Variants in LINGO1 observed in about 807,000 individuals in gnomAD.
The protein encoded by LINGO1 is leucine-rich repeat and immunoglobulin-like domain-containing nogo receptor-interacting protein 1.
LINGO1 carries 11 observed loss-of-function variants against 37.3 expected under a neutral mutation model. The observed-to-expected ratio is 0.29, with a 90% CI of 0.19 to 0.49. The LOEUF (loss-of-function observed/expected upper bound fraction) is 0.49. Ranked by LOEUF, LINGO1 falls within the 20% of genes least tolerant of loss-of-function variation. The pLI is 0.99. For synonymous variants in LINGO1, 387 were observed against 403.0 expected, an observed-to-expected ratio of 0.96 and a Z score of 0.48; for missense variants, 585 against 878.2, an observed-to-expected ratio of 0.67 and a Z score of 4.22.
intron 1 of LINGO1, among the ~76,000 whole-genome samples, chr15:77,748,747 C>T (rs1378445085): frequency 2.6e-5 from 4 of 151,730 alleles, no homozygotes; most frequent in Non-Finnish European, 5.9e-5. Context: ...CAGAGGTTTG[C>T]TTTGTTGCCC....
At chr15:77,813,493 A>G (rs4322626) in intron 1 of LINGO1, among the ~76,000 whole-genome samples, 113,816 of 151,954 alleles carry the variant, frequency 0.75, 42,897 homozygotes, top group African/African-American at 0.8. Flanking sequence ...GGGTGAGAGC[A>G]TGACAGCCAG....
intron 1 of LINGO1, among the ~76,000 whole-genome samples, chr15:77,783,113 GC>G (rs2076737046): frequency 6.6e-6 from 1 of 151,966 alleles, no homozygotes; most frequent in Non-Finnish European, 1.5e-5. Flanking sequence ...GATGCCCATC[GC>G]CTGGATGCCC....
intron 1 of LINGO1, among the ~76,000 whole-genome samples, chr15:77,784,416 A>G (rs964746345): frequency 3.3e-5 from 5 of 152,270 alleles, no homozygotes; most frequent in Non-Finnish European, 7.3e-5. Flanking sequence ...GACCCTGCCC[A>G]GCAAGCGGCT....
At chr15:77,641,636 A>C (rs989021943) in intron 3 of LINGO1, 1 of 353,024 alleles carries the variant, frequency 2.8e-6, no homozygotes, top group South Asian at 2.1e-5. Flanking sequence ...AGAAGGAGAC[A>C]GATGAGGAGT....
intron 2 of LINGO1, among the ~76,000 whole-genome samples, chr15:77,721,406 T>G (rs2076048591): frequency 6.6e-6 from 1 of 152,094 alleles, no homozygotes; most frequent in Non-Finnish European, 1.5e-5. Context: ...TCAGCCCTGG[T>G]GTCACCTCCT....
chr15:77,640,127 A>G (rs1024498202), intron 3 of LINGO1, among the ~76,000 whole-genome samples: 2 of 152,216 alleles, frequency 1.3e-5, no homozygotes, highest in Admixed American at 1.3e-4. Context: ...AACTTGGAGG[A>G]GTCCACATTA....
At chr15:77,664,172 C>T (rs62009132) in intron 3 of LINGO1, among the ~76,000 whole-genome samples, 7,552 of 76,654 alleles carry the variant, frequency 0.099, 247 homozygotes, top group Middle Eastern at 0.12. Flanking sequence ...TGTGTGTGTG[C>T]GCGCGCGCAT....
intron 3 of LINGO1, among the ~76,000 whole-genome samples, chr15:77,664,170 T>TGTGTGTGTGTGTGTGTGCGC: frequency 3.8e-5 from 5 of 130,944 alleles, no homozygotes; most frequent in East Asian, 2.0e-4. Context: ...TGTGTGTGTG[T>TGTGTGTGTGTGTGTGTGCGC]GCGCGCGCGC....
At chr15:77,717,848 C>A (rs12907305) in intron 2 of LINGO1, among the ~76,000 whole-genome samples, 10,776 of 150,820 alleles carry the variant, frequency 0.071, 969 homozygotes, top group Middle Eastern at 0.14. Context: ...CCCAGCCCAG[C>A]CAGGCTGGAC....
At chr15:77,810,304 C>A (rs2076994609) in intron 1 of LINGO1, among the ~76,000 whole-genome samples, 1 of 149,818 alleles carries the variant, frequency 6.7e-6, no homozygotes, top group Non-Finnish European at 1.5e-5. Context: ...ACACGGGTAA[C>A]TAGGCTCACA....
chr15:77,659,604 CTCTG>C (rs2074943717), intron 3 of LINGO1, among the ~76,000 whole-genome samples: 1 of 152,156 alleles, frequency 6.6e-6, no homozygotes, highest in African/African-American at 2.4e-5. Flanking sequence ...ACCATGTCAC[CTCTG>C]TCTGAGTTCA....
rs190640467 is a variant in LINGO1 at position 77,693,916 on chromosome 15, C to T, written c.-281+2475G>A. ...ACCTCGGGGGCCTGATCAGGACTTC[C>T]GGTCCCTAATGAACAGACTTGGCAT... is the stretch of plus-strand genomic sequence containing the variant. On this transcript the variant is annotated intron_variant, in intron 1 of 3. Transcript: ENST00000559893. 1.5e-3 allele frequency among the ~76,000 whole-genome samples: 221 copies of T among 152,268 alleles called. 1 individual carries two copies. Among genetic ancestry groups the T allele is most frequent in the Middle Eastern group, 3.4e-3 (1 of 294 alleles).
intron 1 of LINGO1, among the ~76,000 whole-genome samples, chr15:77,736,849 C>T (rs2076208922): frequency 6.6e-6 from 1 of 152,108 alleles, no homozygotes; most frequent in Admixed American, 6.6e-5. Context: ...AGAGTGGTGA[C>T]CAGTAAGCCG....
At position 77,613,781 on chromosome 15, in the gene LINGO1, G is replaced by C. The variant is rs979684477; in HGVS notation, c.*263C>G. The stretch of plus-strand genomic sequence containing the variant: ...TTTATTGAATTATTGACTCTGCCGC[G>C]TGTCGGTTCGTCGGCTTTCAACTCC... On this transcript the variant is annotated 3_prime_UTR_variant, in exon 2 of 2. Transcript: ENST00000355300. The C allele has an allele frequency of 4.9e-5, 23 of 469,544 alleles. No individual in the cohort carries two copies. The highest frequency in any genetic ancestry group is 8.3e-5 in the Non-Finnish European group (22 of 266,176). The allele number at this position is 469,544 out of a possible 1,614,324, so 29.1% of individuals were successfully genotyped here. A position where few individuals can be genotyped will look rare whatever the true frequency, so the allele number is the denominator to read the frequency against.
At chr15:77,785,949 A>C (rs2076766476) in intron 1 of LINGO1, among the ~76,000 whole-genome samples, 1 of 152,080 alleles carries the variant, frequency 6.6e-6, no homozygotes, top group South Asian at 2.1e-4. Flanking sequence ...CCTAGGGAGG[A>C]CAGGCTCATT....
chr15:77,760,665 T>C (rs970225352), intron 1 of LINGO1, among the ~76,000 whole-genome samples: 1 of 152,122 alleles, frequency 6.6e-6, no homozygotes, highest in Admixed American at 6.5e-5. Context: ...TTGAGACCCA[T>C]AGGCTAGCTG....
At chr15:77,794,104 G>A (rs2076838860) in intron 2 of LINGO1, among the ~76,000 whole-genome samples, 1 of 152,010 alleles carries the variant, frequency 6.6e-6, no homozygotes, top group African/African-American at 2.4e-5. Context: ...GTCTGCCTGG[G>A]CAGTGGGGAG....
At chr15:77,703,458 T>TAGC (rs909165740) in intron 2 of LINGO1, among the ~76,000 whole-genome samples, 1 of 152,140 alleles carries the variant, frequency 6.6e-6, no homozygotes, top group African/African-American at 2.4e-5. Context: ...CCTCCACTAC[T>TAGC]AACACACTTT....
intron 2 of LINGO1, among the ~76,000 whole-genome samples, chr15:77,729,610 G>T (rs12905106): frequency 7.2e-5 from 11 of 152,170 alleles, no homozygotes; most frequent in African/African-American, 2.7e-4. Context: ...CTCTGACCCA[G>T]GTCTGAGATC....
Sources: gnomAD v4.1 joint callset for allele counts (sites outside exome capture counted in the v4.1 genomes callset) on GRCh38, gnomAD v4.1.1 for gene constraint, MANE v1.5 for transcripts, NCBI Gene and HGNC (gene_info 2026-07-23, HGNC 2026-07-21) for gene names.